FAF1: variants seen among roughly 807,000 people sequenced by gnomAD.
The protein encoded by FAF1 is FAS-associated factor 1.
A neutral mutation model predicts 92.5 loss-of-function variants in FAF1; 25 were observed. The ratio of observed to expected loss-of-function variants is 0.27; its 90% CI spans 0.20 to 0.38. The LOEUF is 0.38. FAF1 is among the 10% of genes least tolerant of loss of function. FAF1 has a pLI of 1.00. For missense variants in FAF1, 636 were observed against 793.3 expected (o/e 0.80, Z 2.38); for synonymous variants, 234 against 273.2 (o/e 0.86, Z 1.42).
intron 7 of FAF1, among the ~76,000 whole-genome samples, chr1:50,672,710 C>A (rs79695896): frequency 1.3e-5 from 2 of 152,182 alleles, no homozygotes; most frequent in South Asian, 4.1e-4. Flanking sequence ...TAGATACTTA[C>A]ATGCTTCACT....
At chr1:50,514,856 T>C (rs572252787) in intron 15 of FAF1, among the ~76,000 whole-genome samples, 1 of 152,302 alleles carries the variant, frequency 6.6e-6, no homozygotes, top group East Asian at 1.9e-4. Flanking sequence ...ATGTTAAGGC[T>C]AAACCAATCC....
At chr1:50,482,692 TAA>T (rs943391762) in intron 17 of FAF1, among the ~76,000 whole-genome samples, 8 of 152,204 alleles carry the variant, frequency 5.3e-5, no homozygotes, top group African/African-American at 1.9e-4. Context: ...CTTTTTCTTT[TAA>T]AAAGTCTTCT....
intron 5 of FAF1, among the ~76,000 whole-genome samples, chr1:50,740,431 T>C (rs1659336251): frequency 6.6e-6 from 1 of 152,180 alleles, no homozygotes. Flanking sequence ...AACCCCTCCA[T>C]GAGAGGACCC....
intron 13 of FAF1, among the ~76,000 whole-genome samples, chr1:50,560,419 A>C (rs931952473): frequency 3.9e-5 from 6 of 152,384 alleles, no homozygotes; most frequent in Middle Eastern, 3.4e-3. Flanking sequence ...TAATACTGAC[A>C]GGCACAGAAT....
chr1:50,617,696 T>TTG (rs1421137886), intron 8 of FAF1, among the ~76,000 whole-genome samples: 3 of 150,774 alleles, frequency 2.0e-5, no homozygotes, highest in African/African-American at 7.3e-5. Context: ...CTCTTCTGTT[T>TTG]TTTTTTTTTT....
intron 8 of FAF1, among the ~76,000 whole-genome samples, chr1:50,644,999 A>C (rs1654517897): frequency 6.6e-6 from 1 of 152,004 alleles, no homozygotes; most frequent in African/African-American, 2.4e-5. Flanking sequence ...AATAGAATTC[A>C]TTTCACAACT....
intron 2 of FAF1, among the ~76,000 whole-genome samples, chr1:50,822,666 A>G (rs1644053429): frequency 6.6e-6 from 1 of 152,088 alleles, no homozygotes; most frequent in Admixed American, 6.5e-5. Flanking sequence ...GTCAACTAAT[A>G]GTCCTTTCCC....
chr1:50,694,051 A>G (rs1210661633), intron 7 of FAF1, among the ~76,000 whole-genome samples: 2 of 151,850 alleles, frequency 1.3e-5, no homozygotes, highest in East Asian at 1.9e-4. Context: ...CATGACATGT[A>G]TGACATATAT....
chr1:50,872,064 C>CAAAAAAAAAAAAAA (rs200142842), intron 1 of FAF1, among the ~76,000 whole-genome samples: 1 of 65,548 alleles, frequency 1.5e-5, no homozygotes. Flanking sequence ...GACTCCATCT[C>CAAAAAAAAAAAAAA]AAAAAAAAAA....
rs931112304 is a variant in FAF1 at position 50,739,386 on chromosome 1, A to G, written c.460-432T>C. Among the ~76,000 whole-genome samples the G allele has an allele frequency of 3.2e-5, 4 of 126,420 alleles. 1 individual carries two copies. The highest frequency in any genetic ancestry group is 9.9e-5 in the African/African-American group (3 of 30,266). 82.9% of individuals were successfully genotyped at this position (126,420 alleles called of 152,430 possible). On this transcript the variant is annotated intron_variant, in intron 5 of 18. Coordinates refer to ENST00000396153, the MANE Select transcript of FAF1 (RefSeq NM_007051.3). ...TGTACACGTACATACATATACATAT[A>G]TGTGTGTTTATGTGTATGTGTATAC...
chr1:50,583,431 G>A lies in FAF1; in HGVS notation c.1031+221C>T, dbSNP rs1423806214. Reference sequence around the variant, plus strand: ...TTAAATTAGGATCCATTTATTGAACGTCCATAAACATACAGAAATAAGTTG... The same window carrying A: ...TTAAATTAGGATCCATTTATTGAACATCCATAAACATACAGAAATAAGTTG... On this transcript the variant is annotated intron_variant, in intron 11 of 18. Transcript: ENST00000396153. The surrounding 1 kb of genome is among the most constrained non-coding windows in gnomAD (Gnocchi z 4.2). 1.3e-5 allele frequency among the ~76,000 whole-genome samples: 2 copies of A among 151,814 alleles called. No homozygotes were observed. The highest frequency in any genetic ancestry group is 2.9e-5 in the Non-Finnish European group (2 of 67,858).
chr1:50,868,680 G>A (rs1489315753), intron 1 of FAF1, among the ~76,000 whole-genome samples: 1 of 152,158 alleles, frequency 6.6e-6, no homozygotes, highest in Non-Finnish European at 1.5e-5. Context: ...GTATTTGGAA[G>A]AATGTTACTT....
Position 50,908,583 on chromosome 1 carries a change from T to C in FAF1, c.46-50586A>G, listed in dbSNP as rs147204375. Among the ~76,000 whole-genome samples, 732 of 152,356 alleles carry C rather than the reference T, an allele frequency of 4.8e-3. 8 individuals carry two copies. The highest frequency in any genetic ancestry group is 0.04 in the South Asian group (191 of 4,828). On this transcript the variant is annotated intron_variant, in intron 1 of 18. Transcript: ENST00000396153. The stretch of plus-strand genomic sequence containing the variant: ...GTATTGGGTGCACATATATTTAGGA[T>C]AGTTAGCTCTTCTTGTTGAATTGAT...
intron 7 of FAF1, among the ~76,000 whole-genome samples, chr1:50,680,727 A>G (rs1007668472): frequency 6.6e-6 from 1 of 151,938 alleles, no homozygotes; most frequent in African/African-American, 2.4e-5. Context: ...GATTCTAAGA[A>G]CTTCTGAGTC....
At chr1:50,913,738 A>G (rs1644902149) in intron 1 of FAF1, among the ~76,000 whole-genome samples, 1 of 152,234 alleles carries the variant, frequency 6.6e-6, no homozygotes, top group African/African-American at 2.4e-5. Flanking sequence ...AAGACTAAAG[A>G]TATCGTAAAG....
At chr1:50,779,993 C>CACACAG (rs1661110281) in intron 4 of FAF1, among the ~76,000 whole-genome samples, 1 of 78,132 alleles carries the variant, frequency 1.3e-5, no homozygotes, top group Non-Finnish European at 2.7e-5. Flanking sequence ...GACAGACAGA[C>CACACAG]ACACACACAC....
At chr1:50,564,443 T>C (rs1650081273) in intron 13 of FAF1, among the ~76,000 whole-genome samples, 1 of 152,162 alleles carries the variant, frequency 6.6e-6, no homozygotes, top group African/African-American at 2.4e-5. Context: ...TAGAAATCTC[T>C]TCTGTATTTC....
intron 4 of FAF1, among the ~76,000 whole-genome samples, chr1:50,771,853 A>G (rs889943018): frequency 6.6e-6 from 1 of 152,200 alleles, no homozygotes; most frequent in Non-Finnish European, 1.5e-5. Flanking sequence ...GTGAGCCAAG[A>G]TCGTGCCATT....
At chr1:50,880,848 T>C (rs1320641151) in intron 1 of FAF1, among the ~76,000 whole-genome samples, 4 of 152,114 alleles carry the variant, frequency 2.6e-5, no homozygotes, top group Non-Finnish European at 5.9e-5. Flanking sequence ...GTTACCATCA[T>C]AGAAAGGAAA....
Sources: gnomAD v4.1 joint callset for allele counts (sites outside exome capture counted in the v4.1 genomes callset) on GRCh38, gnomAD v4.1.1 for gene constraint, Gnocchi (gnomAD v3.1) non-coding constraint, MANE v1.5 for transcripts, NCBI Gene and HGNC (gene_info 2026-07-23, HGNC 2026-07-21) for gene names.